Variants in OLA1 observed in about 807,000 individuals in gnomAD.
OLA1 encodes Obg like ATPase 1, also known as obg-like ATPase 1.
A neutral mutation model predicts 48.4 loss-of-function variants in OLA1; 14 were observed. The ratio of observed to expected loss-of-function variants is 0.29; its 90% CI spans 0.19 to 0.45. OLA1 has a LOEUF of 0.45. Among genes scored for constraint, OLA1 ranks in the 20% least tolerant of loss-of-function variants. The pLI is 1.00. For synonymous variants in OLA1, 127 were observed against 150.4 expected (o/e 0.84, Z 1.14); for missense variants, 325 against 467.1 (o/e 0.70, Z 2.80).
intron 5 of OLA1, among the ~76,000 whole-genome samples, chr2:174,139,689 AC>A (rs1484076283): frequency 3.3e-5 from 5 of 151,826 alleles, no homozygotes; most frequent in African/African-American, 1.2e-4. Context: ...ATACAATGAA[AC>A]CCCGTCTCTA....
chr2:174,165,323 G>A (rs956979688), intron 4 of OLA1, among the ~76,000 whole-genome samples: 4 of 152,130 alleles, frequency 2.6e-5, no homozygotes, highest in South Asian at 2.1e-4. Context: ...ATATGTTTAA[G>A]GAAAATACAT....
chr2:174,165,064 T>C (rs1452976675), intron 4 of OLA1, among the ~76,000 whole-genome samples: 1 of 152,198 alleles, frequency 6.6e-6, no homozygotes, highest in Non-Finnish European at 1.5e-5. Flanking sequence ...TCTGAGTCAG[T>C]GCACTGATCA....
intron 4 of OLA1, among the ~76,000 whole-genome samples, chr2:174,144,231 T>TC (rs1202487861): frequency 6.6e-6 from 1 of 152,136 alleles, no homozygotes; most frequent in Non-Finnish European, 1.5e-5. Flanking sequence ...ACTAATCTAT[T>TC]CCCCCTACTA....
Position 174,246,771 on chromosome 2 carries a change from G to A in OLA1, c.45C>T (p.Ile15=), listed in dbSNP as rs778631799. 3.7e-6 allele frequency: 6 copies of A among 1,613,138 alleles called. No homozygotes were observed. The South Asian group carries it at 6.6e-5, about 18-fold the overall frequency. ...KGGDGIKPPP[I]IGRFGTSLKI... ...TCAGTGAGGTTCCAAATCTTCCAAT[G>A]ATTGGGGGTGGTTTAATTCCATCAC... The change falls in exon 2 of 11, where the codon ATC becomes ATT. Residue 15 remains isoleucine, a synonymous_variant. Coordinates refer to ENST00000284719, the MANE Select transcript of OLA1 (RefSeq NM_013341.5).
chr2:174,117,160 C>T (rs572206508), intron 7 of OLA1, among the ~76,000 whole-genome samples: 3 of 152,176 alleles, frequency 2.0e-5, no homozygotes, highest in Non-Finnish European at 2.9e-5. Flanking sequence ...AATCCAATAA[C>T]AGAAATAAAA....
At chr2:174,200,367 G>A (rs912220793) in intron 4 of OLA1, among the ~76,000 whole-genome samples, 6 of 152,142 alleles carry the variant, frequency 3.9e-5, no homozygotes, top group East Asian at 1.9e-4. Flanking sequence ...ATAAAAATAC[G>A]TTTTTCTAGG....
Position 174,229,409 on chromosome 2 carries a change from T to C in OLA1, c.144A>G (p.Ser48=), listed in dbSNP as rs752075344. ...TAGTGCAGAACGGGAAGTTTTCTGC[T>C]GAAGCCTGACTATTGGTTAACACAT... ...FFNVLTNSQA[S]AENFPFCTID... is the part of the protein sequence containing the mutation. The change falls in exon 3 of 11, where the codon TCA becomes TCG. Residue 48 remains serine, a synonymous_variant. Transcript: ENST00000284719. The C allele has an allele frequency of 1.2e-6, 2 of 1,613,526 alleles. No individual in the cohort carries two copies. The highest frequency in any genetic ancestry group is 1.7e-6 in the Non-Finnish European group (2 of 1,179,590).
intron 4 of OLA1, among the ~76,000 whole-genome samples, chr2:174,175,324 T>C (rs1222885790): frequency 7.0e-6 from 1 of 142,224 alleles, no homozygotes; most frequent in Non-Finnish European, 1.5e-5. Flanking sequence ...AGCCACAGAC[T>C]AGGAGAAAAT....
intron 5 of OLA1, among the ~76,000 whole-genome samples, chr2:174,127,422 T>C (rs1207296839): frequency 1.3e-5 from 2 of 152,220 alleles, no homozygotes; most frequent in Non-Finnish European, 2.9e-5. Flanking sequence ...TTAATCCATG[T>C]ATCACAAAAA....
chr2:174,200,128 G>T (rs1304636471), intron 4 of OLA1, among the ~76,000 whole-genome samples: 11 of 151,974 alleles, frequency 7.2e-5, no homozygotes, highest in Admixed American at 7.2e-4. Context: ...GAATTATTAA[G>T]TCATTTTAAA....
At chr2:174,223,765 C>CAAAA (rs71021680) in intron 3 of OLA1, among the ~76,000 whole-genome samples, 85 of 73,312 alleles carry the variant, frequency 1.2e-3, no homozygotes, top group Non-Finnish European at 1.4e-3. Flanking sequence ...GTTATATAGA[C>CAAAA]AAAAAAAAAA....
chr2:174,241,976 A>G (rs1291163409), intron 2 of OLA1, among the ~76,000 whole-genome samples: 1 of 152,252 alleles, frequency 6.6e-6, no homozygotes, highest in African/African-American at 2.4e-5. Context: ...GGCTGTCAAA[A>G]TAAAGACTAC....
chr2:174,239,376 G>A (rs532862370), intron 2 of OLA1, among the ~76,000 whole-genome samples: 1 of 152,238 alleles, frequency 6.6e-6, no homozygotes, highest in African/African-American at 2.4e-5. Flanking sequence ...TCAACATCAT[G>A]TGCTTTCTAA....
At chr2:174,146,851 C>T (rs1171142451) in intron 4 of OLA1, among the ~76,000 whole-genome samples, 2 of 152,106 alleles carry the variant, frequency 1.3e-5, no homozygotes, top group African/African-American at 4.8e-5. Flanking sequence ...TCTATAAGCG[C>T]ACTAATTATA....
intron 2 of OLA1, among the ~76,000 whole-genome samples, chr2:174,242,984 G>C (rs955432111): frequency 1.3e-5 from 2 of 152,022 alleles, no homozygotes; most frequent in African/African-American, 4.8e-5. Flanking sequence ...CACCACACGG[G>C]GCAAGGAGAC....
intron 4 of OLA1, among the ~76,000 whole-genome samples, chr2:174,222,082 C>A (rs1037758098): frequency 6.6e-6 from 1 of 152,096 alleles, no homozygotes; most frequent in African/African-American, 2.4e-5. Context: ...AAAGTAATTG[C>A]AGTTTTGGGC....
chr2:174,223,016 T>C lies in OLA1; in HGVS notation c.373+17A>G, dbSNP rs757310183. On this transcript the variant is annotated intron_variant, in intron 4 of 10. Transcript: ENST00000284719. ...GATCTGAATGAAATCAATGATTAAA[T>C]AAACAACTGTACTTACGTGTTAGAT... The C allele has an allele frequency of 6.9e-6, 11 of 1,589,568 alleles. No homozygotes were observed. Among genetic ancestry groups the C allele is most frequent in the Middle Eastern group, 1.9e-4 (1 of 5,142 alleles).
chr2:174,149,727 G>A (rs1055220023), intron 4 of OLA1, among the ~76,000 whole-genome samples: 1 of 152,188 alleles, frequency 6.6e-6, no homozygotes, highest in Non-Finnish European at 1.5e-5. Context: ...CAGAAATGAT[G>A]AGTTGGCTCT....
At chr2:174,088,045 A>G (rs1311086446) in intron 7 of OLA1, among the ~76,000 whole-genome samples, 2 of 152,226 alleles carry the variant, frequency 1.3e-5, no homozygotes, top group African/African-American at 4.8e-5. Context: ...ATCAACAGTG[A>G]TATCTTGCTT....
Sources: allele counts gnomAD v4.1 joint callset (sites outside exome capture counted in the v4.1 genomes callset), GRCh38; gene constraint gnomAD v4.1.1; transcripts MANE v1.5; gene names NCBI Gene and HGNC (gene_info 2026-07-23, HGNC 2026-07-21).